PDZRN4: variants seen among roughly 807,000 people sequenced by gnomAD.
The protein encoded by PDZRN4 is PDZ domain containing ring finger 4, also known as PDZ domain-containing RING finger protein 4.
A neutral mutation model predicts 99.0 loss-of-function variants in PDZRN4; 70 were observed. The ratio of observed to expected loss-of-function variants is 0.71; its 90% CI spans 0.58 to 0.86. The LOEUF is 0.86. Among genes scored for constraint, PDZRN4 ranks in the 40% least tolerant of loss-of-function variants. The pLI is 0.00. For synonymous variants in PDZRN4, 551 were observed against 501.6 expected (o/e 1.10, Z -1.32); for missense variants, 1,474 against 1,331.2 (o/e 1.11, Z -1.67).
intron 3 of PDZRN4, among the ~76,000 whole-genome samples, chr12:41,256,592 G>T (rs1951206090): frequency 6.6e-6 from 1 of 152,154 alleles, no homozygotes; most frequent in African/African-American, 2.4e-5. Context: ...TTCCAGAACT[G>T]TGAGGAATAA....
At chr12:41,343,724 A>C (rs1951833602) in intron 3 of PDZRN4, among the ~76,000 whole-genome samples, 1 of 113,872 alleles carries the variant, frequency 8.8e-6, no homozygotes, top group South Asian at 2.7e-4. Flanking sequence ...AAAGGCTAGG[A>C]GAGAGGCTTT....
At chr12:41,390,980 T>A (rs1481339215) in intron 3 of PDZRN4, among the ~76,000 whole-genome samples, 1 of 152,194 alleles carries the variant, frequency 6.6e-6, no homozygotes, top group Non-Finnish European at 1.5e-5. Context: ...ACTAGAATAA[T>A]GGTATCTCCC....
At chr12:41,567,376 G>T (rs1939392196) in intron 8 of PDZRN4, among the ~76,000 whole-genome samples, 1 of 152,084 alleles carries the variant, frequency 6.6e-6, no homozygotes, top group Non-Finnish European at 1.5e-5. Flanking sequence ...CAGTCTCGTT[G>T]GGGGTTGTTG....
In PDZRN4 at chr12:41,573,069, A is replaced by T. The variant is rs201347251; in HGVS notation, c.2290A>T (p.Ile764Phe). The change falls in exon 10 of 10, where the codon ATC becomes TTC. Residue 764 changes from isoleucine (I) to phenylalanine (F), a missense_variant. Ile to Phe is a conservative substitution (Grantham distance 21). Coordinates refer to ENST00000402685, the MANE Select transcript of PDZRN4 (RefSeq NM_001164595.2). ...RSPDSSLPRV[I>F]NLTNKKNLRS... is the part of the protein sequence containing the mutation. Reference sequence around the variant, plus strand: ...CCCTGACAGTTCCCTTCCAAGGGTGATCAACCTCACCAATAAGAAAAACCT... The same window carrying T: ...CCCTGACAGTTCCCTTCCAAGGGTGTTCAACCTCACCAATAAGAAAAACCT... The T allele has an allele frequency of 1.2e-6, 2 of 1,614,112 alleles. No individual in the cohort carries two copies. Among genetic ancestry groups the T allele is most frequent in the African/African-American group, 2.7e-5 (2 of 75,044 alleles).
chr12:41,267,885 T>G (rs775556830), intron 3 of PDZRN4, among the ~76,000 whole-genome samples: 1 of 151,790 alleles, frequency 6.6e-6, no homozygotes. Flanking sequence ...AAGGTGTGAG[T>G]AAGAAAGTTG....
chr12:41,279,035 G>T (rs73120991), intron 3 of PDZRN4, among the ~76,000 whole-genome samples: 3,613 of 152,224 alleles, frequency 0.024, 142 homozygotes, highest in African/African-American at 0.082. Context: ...TAAAGGCAGG[G>T]TGACATAAAA....
At chr12:41,237,405 T>C (rs896283285) in intron 3 of PDZRN4, among the ~76,000 whole-genome samples, 1 of 152,178 alleles carries the variant, frequency 6.6e-6, no homozygotes, top group Non-Finnish European at 1.5e-5. Flanking sequence ...GTTATTGCTA[T>C]AGATGTTTAA....
intron 3 of PDZRN4, among the ~76,000 whole-genome samples, chr12:41,492,946 C>T (rs932582627): frequency 1.3e-5 from 2 of 152,150 alleles, no homozygotes; most frequent in Non-Finnish European, 2.9e-5. Flanking sequence ...GGAAATTATA[C>T]ATTCTGTTTT....
At chr12:41,292,499 T>C (rs1414012410) in intron 3 of PDZRN4, among the ~76,000 whole-genome samples, 4 of 152,184 alleles carry the variant, frequency 2.6e-5, no homozygotes, top group Admixed American at 2.6e-4. Context: ...TTGAGGTTTT[T>C]TCTTGATTTG....
intron 5 of PDZRN4, among the ~76,000 whole-genome samples, chr12:41,522,063 C>T (rs181507203): frequency 2.0e-5 from 3 of 152,162 alleles, no homozygotes; most frequent in African/African-American, 7.2e-5. Context: ...TTTTTCCTTC[C>T]TTTGACTTGT....
intron 3 of PDZRN4, among the ~76,000 whole-genome samples, chr12:41,384,865 T>C (rs1051116385): frequency 2.6e-5 from 4 of 152,130 alleles, no homozygotes; most frequent in Non-Finnish European, 5.9e-5. Flanking sequence ...AGATTAAAGG[T>C]GGTGTATGCT....
At chr12:41,261,113 C>CT (rs1474381775) in intron 3 of PDZRN4, among the ~76,000 whole-genome samples, 2 of 152,070 alleles carry the variant, frequency 1.3e-5, no homozygotes, top group Non-Finnish European at 2.9e-5. Flanking sequence ...ATAGGATTCT[C>CT]TGTCCTCTTG....
At chr12:41,242,372 G>T (rs1217562108) in intron 3 of PDZRN4, among the ~76,000 whole-genome samples, 1 of 152,132 alleles carries the variant, frequency 6.6e-6, no homozygotes, top group African/African-American at 2.4e-5. Context: ...TCCATCATCT[G>T]ATGATTTGAA....
At chr12:41,247,387 G>A (rs1352130455) in intron 3 of PDZRN4, among the ~76,000 whole-genome samples, 1 of 152,158 alleles carries the variant, frequency 6.6e-6, no homozygotes, top group African/African-American at 2.4e-5. Context: ...TGAAAGTGTG[G>A]CTTCAGAATC....
chr12:41,292,753 A>G (rs1014676580), intron 3 of PDZRN4, among the ~76,000 whole-genome samples: 3 of 152,164 alleles, frequency 2.0e-5, no homozygotes, highest in African/African-American at 7.2e-5. Flanking sequence ...TTTGGAGAAG[A>G]ACGTTCACTT....
chr12:41,470,070 G>A (rs1009165414), intron 3 of PDZRN4, among the ~76,000 whole-genome samples: 3 of 152,286 alleles, frequency 2.0e-5, no homozygotes, highest in African/African-American at 7.2e-5. Context: ...GGAGTGTATG[G>A]CATTCATTTA....
chr12:41,395,432 G>T (rs963557885), intron 3 of PDZRN4, among the ~76,000 whole-genome samples: 2 of 152,104 alleles, frequency 1.3e-5, no homozygotes, highest in Admixed American at 6.6e-5. Context: ...CATGGACCTT[G>T]GCTTCATCTT....
chr12:41,194,871 A>T (rs1466631918), intron 3 of PDZRN4, among the ~76,000 whole-genome samples: 5 of 152,158 alleles, frequency 3.3e-5, no homozygotes, highest in Non-Finnish European at 7.4e-5. Context: ...CTGATGAGGA[A>T]CTATGATTAT....
chr12:41,294,635 A>T (rs148801519), intron 3 of PDZRN4, among the ~76,000 whole-genome samples: 1 of 152,300 alleles, frequency 6.6e-6, no homozygotes, highest in Admixed American at 6.5e-5. Context: ...TTACAACTCT[A>T]TTACCTTAAA....
Sources: gnomAD v4.1 joint callset for allele counts (sites outside exome capture counted in the v4.1 genomes callset) on GRCh38, gnomAD v4.1.1 for gene constraint, MANE v1.5 for transcripts, NCBI Gene and HGNC (gene_info 2026-07-23, HGNC 2026-07-21) for gene names.